Variants in SGCZ observed in about 807,000 individuals in gnomAD.
The protein encoded by SGCZ is sarcoglycan zeta.
In SGCZ, 40 loss-of-function variants were observed where a neutral mutation model predicts 41.3. That is an observed-to-expected ratio of 0.97 (90% CI 0.75 to 1.26). SGCZ has a LOEUF of 1.26. SGCZ is among the 50% of genes most tolerant of loss of function. SGCZ has a pLI of 0.00. For synonymous variants in SGCZ, 206 were observed against 137.5 expected (o/e 1.50, Z -3.49); for missense variants, 552 against 369.8 (o/e 1.49, Z -4.04).
At chr8:14,442,659 C>G (rs186455942) in intron 2 of SGCZ, among the ~76,000 whole-genome samples, 1 of 152,258 alleles carries the variant, frequency 6.6e-6, no homozygotes, top group Non-Finnish European at 1.5e-5. Flanking sequence ...TTTAATCCAA[C>G]CCAGTGATCT....
At chr8:14,378,855 G>C (rs542200865) in intron 2 of SGCZ, among the ~76,000 whole-genome samples, 2 of 152,212 alleles carry the variant, frequency 1.3e-5, no homozygotes, top group Admixed American at 6.5e-5. Flanking sequence ...TCAGACGTGT[G>C]AGGAAAAACA....
At chr8:15,114,960 A>G (rs1807212902) in intron 1 of SGCZ, among the ~76,000 whole-genome samples, 1 of 152,198 alleles carries the variant, frequency 6.6e-6, no homozygotes. Context: ...GGGCCTAAGT[A>G]AGGATGTGCA....
chr8:14,290,783 G>T (rs1008530601), intron 3 of SGCZ, among the ~76,000 whole-genome samples: 13 of 152,016 alleles, frequency 8.6e-5, no homozygotes, highest in African/African-American at 1.7e-4. Flanking sequence ...CAGTATGGAG[G>T]TTCCCTCATA....
chr8:14,769,581 C>T (rs539118677), intron 1 of SGCZ, among the ~76,000 whole-genome samples: 10 of 152,024 alleles, frequency 6.6e-5, no homozygotes, highest in South Asian at 2.1e-4. Flanking sequence ...CATCTGAGGT[C>T]GGGAGTTCGA....
At chr8:14,917,572 TC>T (rs1314317657) in intron 1 of SGCZ, among the ~76,000 whole-genome samples, 1 of 152,072 alleles carries the variant, frequency 6.6e-6, no homozygotes, top group African/African-American at 2.4e-5. Flanking sequence ...GGTCTATTGA[TC>T]CACAGCAAAG....
chr8:14,833,091 T>C (rs988373246), intron 1 of SGCZ, among the ~76,000 whole-genome samples: 3 of 152,152 alleles, frequency 2.0e-5, no homozygotes, highest in African/African-American at 4.8e-5. Flanking sequence ...ACATGAATTA[T>C]TGGTAAGTAA....
chr8:14,974,864 GAAA>G (rs58302235), intron 1 of SGCZ, among the ~76,000 whole-genome samples: 27 of 132,588 alleles, frequency 2.0e-4, no homozygotes, highest in African/African-American at 4.3e-4. Flanking sequence ...GTGATTTTAG[GAAA>G]AAAAAAAAAA....
intron 1 of SGCZ, among the ~76,000 whole-genome samples, chr8:14,965,252 C>T (rs931973557): frequency 4.6e-5 from 7 of 152,088 alleles, no homozygotes; most frequent in Admixed American, 6.6e-5. Context: ...TCAATAGTGC[C>T]ACCCAAATCT....
In SGCZ at chr8:14,966,233, CAG is replaced by C. The variant is rs561943541; in HGVS notation, c.39+271350_39+271351del. ...TCCTATAAGAAAGAAAGGAGAAAAA[CAG>C]GGGAAATATTGATGTCATCAGAGAT... On this transcript the variant is annotated intron_variant, in intron 1 of 7. Transcript: ENST00000382080. 4.8e-3 allele frequency among the ~76,000 whole-genome samples: 721 copies of C among 151,582 alleles called. 3 individuals carry two copies. Among genetic ancestry groups the C allele is most frequent in the African/African-American group, 0.016 (676 of 41,382 alleles).
intron 2 of SGCZ, among the ~76,000 whole-genome samples, chr8:14,473,698 G>A (rs1801275738): frequency 6.6e-6 from 1 of 152,134 alleles, no homozygotes; most frequent in South Asian, 2.1e-4. Flanking sequence ...AGCACTTTGG[G>A]AGGTCGAGGT....
intron 1 of SGCZ, among the ~76,000 whole-genome samples, chr8:15,165,151 G>A (rs569633408): frequency 1.2e-3 from 177 of 152,206 alleles, no homozygotes; most frequent in Non-Finnish European, 2.1e-3. Context: ...TTAGCCAGGC[G>A]TGGTGGTACA....
chr8:14,454,825 A>G (rs775030891), intron 2 of SGCZ, among the ~76,000 whole-genome samples: 1 of 152,180 alleles, frequency 6.6e-6, no homozygotes, highest in East Asian at 1.9e-4. Flanking sequence ...CTAAGTAGCC[A>G]TTTAAAAATA....
chr8:14,531,018 C>G (rs1803113017), intron 2 of SGCZ, among the ~76,000 whole-genome samples: 1 of 151,932 alleles, frequency 6.6e-6, no homozygotes, highest in Admixed American at 6.6e-5. Context: ...AAGTCAAGGA[C>G]AGTGTGAAGT....
intron 2 of SGCZ, among the ~76,000 whole-genome samples, chr8:14,466,899 G>C (rs1801066267): frequency 6.6e-6 from 1 of 151,494 alleles, no homozygotes; most frequent in African/African-American, 2.4e-5. Flanking sequence ...TGAGCATCTT[G>C]AAGACCAGTG....
rs1342951300 is a variant in SGCZ, at chr8:14,869,696, T to C, written c.40-314770A>G. Among the ~76,000 whole-genome samples the C allele has an allele frequency of 5.3e-5, 8 of 152,160 alleles. 1 individual carries two copies. Among genetic ancestry groups the C allele is most frequent in the Admixed American group, 5.2e-4 (8 of 15,276 alleles). Reference sequence around the variant, plus strand: ...AATGTATATTTAGAAAACCCCATTGTCTCAGCCCAAAATCTCTTTAAGGTG... The same window carrying C: ...AATGTATATTTAGAAAACCCCATTGCCTCAGCCCAAAATCTCTTTAAGGTG... On this transcript the variant is annotated intron_variant, in intron 1 of 7. Transcript: ENST00000382080.
chr8:14,097,733 G>T (rs2116968727), intron 7 of SGCZ, among the ~76,000 whole-genome samples: 1 of 152,216 alleles, frequency 6.6e-6, no homozygotes, highest in Middle Eastern at 3.4e-3. Context: ...AGGTCTCTTT[G>T]TAGGTCTCTA....
chr8:14,381,224 A>T (rs1278536705), intron 2 of SGCZ, among the ~76,000 whole-genome samples: 1 of 152,256 alleles, frequency 6.6e-6, no homozygotes, highest in Non-Finnish European at 1.5e-5. Flanking sequence ...GCCAGAGGCC[A>T]TTACAAAGCT....
At chr8:14,772,103 G>C (rs1483654806) in intron 1 of SGCZ, among the ~76,000 whole-genome samples, 2 of 152,078 alleles carry the variant, frequency 1.3e-5, no homozygotes, top group African/African-American at 4.8e-5. Context: ...TATTCAATAA[G>C]TTACCTGAAA....
At chr8:14,697,108 C>T (rs1808990171) in intron 1 of SGCZ, among the ~76,000 whole-genome samples, 1 of 151,938 alleles carries the variant, frequency 6.6e-6, no homozygotes, top group African/African-American at 2.4e-5. Flanking sequence ...ACACCCCCAT[C>T]CCATCTCCCT....
Sources: allele counts gnomAD v4.1 joint callset (sites outside exome capture counted in the v4.1 genomes callset), GRCh38; gene constraint gnomAD v4.1.1; transcripts MANE v1.5; gene names NCBI Gene and HGNC (gene_info 2026-07-23, HGNC 2026-07-21).